The following POLR1D variants were observed in gnomAD, a reference collection of about 807,000 sequenced individuals.
The protein encoded by POLR1D is DNA-directed RNA polymerases I and III subunit RPAC2.
In POLR1D, 8 loss-of-function variants were observed where a neutral mutation model predicts 10.8. The observed-to-expected ratio is 0.74, with a 90% CI of 0.43 to 1.33. The LOEUF is 1.33. Ranked by LOEUF, POLR1D falls within the 40% of genes most tolerant of loss-of-function variation. POLR1D has a pLI of 0.01. For missense variants in POLR1D, 152 were observed against 161.7 expected, an observed-to-expected ratio of 0.94 and a Z score of 0.32; for synonymous variants, 54 against 57.2, an observed-to-expected ratio of 0.94 and a Z score of 0.25.
intron 2 of POLR1D, among the ~76,000 whole-genome samples, chr13:27,653,892 G>A (rs1046901154): frequency 2.6e-5 from 4 of 152,128 alleles, no homozygotes; most frequent in African/African-American, 9.7e-5. Context: ...TTTGGCTGAA[G>A]TATGTGAAGA....
chr13:27,632,709 T>C (rs1037407242), intron 1 of POLR1D, among the ~76,000 whole-genome samples: 4 of 143,212 alleles, frequency 2.8e-5, no homozygotes, highest in African/African-American at 5.0e-5. Flanking sequence ...ATATGAGATA[T>C]ATAATTTACC....
intron 1 of POLR1D, among the ~76,000 whole-genome samples, chr13:27,645,188 C>T (rs1204203474): frequency 4.6e-5 from 7 of 152,174 alleles, no homozygotes; most frequent in African/African-American, 1.7e-4. Context: ...TCATTCCTTC[C>T]GCCTCTCCAG....
downstream of POLR1D, among the ~76,000 whole-genome samples, chr13:27,625,532 T>C (rs1256722337): frequency 6.6e-6 from 1 of 151,952 alleles, no homozygotes; most frequent in Non-Finnish European, 1.5e-5. Flanking sequence ...GTGGAAAAGA[T>C]GATAGGAGTC....
rs964310242 is a variant in POLR1D at position 27,621,971 on chromosome 13, A to G, written c.-13A>G. The G allele has an allele frequency of 7.5e-6, 12 of 1,592,604 alleles. No homozygotes were observed. The highest frequency in any genetic ancestry group is 1.3e-5 in the African/African-American group (1 of 74,750). Reference sequence around the variant, plus strand: ...CGCCAGCACCACCTGAGGATCCAGAAACCGCCCCAGCGATGGAAGAGGATC... The same window carrying G: ...CGCCAGCACCACCTGAGGATCCAGAGACCGCCCCAGCGATGGAAGAGGATC... On this transcript the variant is annotated 5_prime_UTR_variant, in exon 1 of 2. Coordinates refer to ENST00000302979, the MANE Select transcript of POLR1D (RefSeq NM_015972.4).
chr13:27,647,319 A>C (rs1475570318), intron 1 of POLR1D, among the ~76,000 whole-genome samples: 1 of 152,188 alleles, frequency 6.6e-6, no homozygotes, highest in Non-Finnish European at 1.5e-5. Context: ...GCAGCAATGC[A>C]AACAGAAAAA....
chr13:27,645,440 T>G lies in POLR1D; in HGVS notation c.27-2939T>G, dbSNP rs781225841. On this transcript the variant is annotated intron_variant, in intron 1 of 2. Coordinates refer to the POLR1D transcript ENST00000399697. Reference sequence around the variant, plus strand: ...TCCTCATTGCCCTTCTCCTTGATCGTTAGCAGTGTTACTTTGGGCAAGTTA... The same window carrying G: ...TCCTCATTGCCCTTCTCCTTGATCGGTAGCAGTGTTACTTTGGGCAAGTTA... 5.9e-5 allele frequency among the ~76,000 whole-genome samples: 9 copies of G among 152,212 alleles called. 1 individual carries two copies. The highest frequency in any genetic ancestry group is 2.6e-4 in the Admixed American group (4 of 15,276).
intron 1 of POLR1D, among the ~76,000 whole-genome samples, chr13:27,647,175 AC>A (rs1410927944): frequency 2.0e-5 from 3 of 152,120 alleles, no homozygotes; most frequent in Non-Finnish European, 4.4e-5. Context: ...CTATGTTGCT[AC>A]CCATAGCACC....
intron 1 of POLR1D, among the ~76,000 whole-genome samples, chr13:27,644,736 C>T (rs1956203936): frequency 6.6e-6 from 1 of 152,088 alleles, no homozygotes; most frequent in African/African-American, 2.4e-5. Flanking sequence ...TTTAATTGTT[C>T]AAGTTCTGTA....
Position 27,622,885 on chromosome 13 carries a change from G to A in POLR1D, c.37G>A (p.Gly13Arg). 6.2e-7 allele frequency: 1 copy of A among 1,604,620 alleles called. No individual in the cohort carries two copies. The highest frequency in any genetic ancestry group is 8.5e-7 in the Non-Finnish European group (1 of 1,171,516). ...EDQELERKIS[G>R]LKTSMAEGER... ...AAAATATGTGTGTAGAAAAATATCT[G>A]GATTGAAGACCTCAATGGCTGAAGG... The change falls in exon 2 of 2, where the codon GGA (glycine) becomes AGA (arginine). Residue 13 changes from glycine (G) to arginine (R), a missense_variant. Gly to Arg is a moderately radical substitution (Grantham distance 125). Coordinates refer to ENST00000302979, the MANE Select transcript of POLR1D (RefSeq NM_015972.4).
At chr13:27,646,526 A>G (rs1361974560) in intron 1 of POLR1D, among the ~76,000 whole-genome samples, 1 of 152,218 alleles carries the variant, frequency 6.6e-6, no homozygotes, top group Non-Finnish European at 1.5e-5. Context: ...GGGAGTCAAC[A>G]TGTCAGTAGA....
At chr13:27,652,907 A>ACTTCTTTTTTTTTTTTTTT (rs1365436145) in intron 2 of POLR1D, among the ~76,000 whole-genome samples, 1 of 78,530 alleles carries the variant, frequency 1.3e-5, no homozygotes. Context: ...TGCATTTACC[A>ACTTCTTTTTTTTTTTTTTT]TTTCTTTTTT....
chr13:27,639,410 T>C (rs1190096492), intron 1 of POLR1D, among the ~76,000 whole-genome samples: 4 of 152,156 alleles, frequency 2.6e-5, no homozygotes, highest in African/African-American at 7.2e-5. Context: ...ATTCAGAGTT[T>C]AACATTTCCT....
At chr13:27,656,956 T>C (rs1037247406) in intron 2 of POLR1D, among the ~76,000 whole-genome samples, 1 of 152,218 alleles carries the variant, frequency 6.6e-6, no homozygotes, top group Non-Finnish European at 1.5e-5. Flanking sequence ...TGAGAAAATA[T>C]CTACTATGTA....
At chr13:27,648,460 T>G in intron 2 of POLR1D, 1 of 1,589,838 alleles carries the variant, frequency 6.3e-7, no homozygotes, top group Non-Finnish European at 8.6e-7. Flanking sequence ...GTTGGTAAGT[T>G]CTTTGAGTAA....
chr13:27,661,357 C>G (rs2138573054), intron 2 of POLR1D, among the ~76,000 whole-genome samples: 1 of 152,330 alleles, frequency 6.6e-6, no homozygotes, highest in Middle Eastern at 3.4e-3. Flanking sequence ...AAATCTGGCT[C>G]TTACCATGTG....
chr13:27,633,974 A>C (rs1280902501), intron 1 of POLR1D, among the ~76,000 whole-genome samples: 1 of 152,246 alleles, frequency 6.6e-6, no homozygotes, highest in African/African-American at 2.4e-5. Flanking sequence ...GAGTACCATC[A>C]TCATATTCTT....
chr13:27,667,308 T>A (rs1956427261), exon 3 of POLR1D: 1 of 152,226 alleles, frequency 6.6e-6, no homozygotes, highest in Admixed American at 6.5e-5. Context: ...AAATTATTTG[T>A]GCAAAATTTG....
At chr13:27,621,321 C>T (rs1295596079), upstream of POLR1D, 2 of 152,396 alleles carry the variant, frequency 1.3e-5, no homozygotes, top group African/African-American at 4.8e-5. Context: ...TTCTTTCTTG[C>T]CCTATTTTGA....
intron 1 of POLR1D, among the ~76,000 whole-genome samples, chr13:27,643,033 CTGTT>C (rs1956189517): frequency 6.6e-6 from 1 of 151,856 alleles, no homozygotes. Flanking sequence ...TCATGACTTT[CTGTT>C]TGTTATTTTA....
Sources: allele counts gnomAD v4.1 joint callset (sites outside exome capture counted in the v4.1 genomes callset), GRCh38; gene constraint gnomAD v4.1.1; transcripts MANE v1.5; gene names NCBI Gene and HGNC (gene_info 2026-07-23, HGNC 2026-07-21).